NKD2: variants seen among roughly 807,000 people sequenced by gnomAD.
NKD2 encodes the protein NKD inhibitor of Wnt signaling pathway 2.
A neutral mutation model predicts 34.8 loss-of-function variants in NKD2; 43 were observed. The observed-to-expected ratio is 1.24, with a 90% CI of 0.97 to 1.60. The LOEUF (loss-of-function observed/expected upper bound fraction) is 1.60. Among genes scored for constraint, NKD2 ranks in the 40% most tolerant of loss-of-function variants. The pLI is 0.00. For synonymous variants in NKD2, 278 were observed against 265.1 expected, an observed-to-expected ratio of 1.05 and a Z score of -0.47; for missense variants, 675 against 627.1, an observed-to-expected ratio of 1.08 and a Z score of -0.82.
intron 3 of NKD2, among the ~76,000 whole-genome samples, chr5:1,013,420 G>A (rs959450877): frequency 6.6e-5 from 10 of 152,314 alleles, no homozygotes; most frequent in Admixed American, 2.0e-4. Context: ...GCCATGTGGC[G>A]AGGCCAGCAC....
chr5:1,032,993 T>C (rs1008568549), intron 4 of NKD2, among the ~76,000 whole-genome samples: 28 of 151,838 alleles, frequency 1.8e-4, no homozygotes, highest in Admixed American at 1.3e-3. Flanking sequence ...GTGGGCTCAG[T>C]GCTAGGATTC....
chr5:1,038,307 G>A lies in NKD2; in HGVS notation c.1290G>A (p.Arg430=). 3 of 1,544,754 alleles carry A rather than the reference G, an allele frequency of 1.9e-6. No individual in the cohort carries two copies. The highest frequency in any genetic ancestry group is 1.9e-5 in the Admixed American group (1 of 51,984). The part of the protein sequence containing the change: ...GEGYAVPVIQ[R]HEHHHHHEHH... ...GCTACGCGGTGCCAGTGATCCAGCG[G>A]CACGAGCACCACCACCACCACGAGC... The change falls in exon 10 of 10, where the codon CGG becomes CGA. Residue 430 remains arginine, a synonymous_variant. Coordinates refer to ENST00000296849, the MANE Select transcript of NKD2 (RefSeq NM_033120.4). This position sits in a 1 kb window ranked among gnomAD's most constrained non-coding sequence, Gnocchi z 4.5.
intron 3 of NKD2, among the ~76,000 whole-genome samples, chr5:1,031,690 C>G (rs1007682404): frequency 2.6e-5 from 4 of 152,212 alleles, no homozygotes; most frequent in African/African-American, 9.7e-5. Flanking sequence ...CGTAACTGGT[C>G]TCGGCCGGCA....
chr5:1,033,266 G>T, intron 4 of NKD2, 106 bp from the exon 5 acceptor site: 2 of 1,140,126 alleles, frequency 1.8e-6, no homozygotes, highest in Non-Finnish European at 2.5e-6. Flanking sequence ...GGCCCGTCTG[G>T]ACAGGATCAT....
intron 3 of NKD2, among the ~76,000 whole-genome samples, chr5:1,016,104 C>A (rs530133158): frequency 3.3e-5 from 5 of 152,248 alleles, no homozygotes; most frequent in Non-Finnish European, 5.9e-5. Flanking sequence ...GGATCCCCCC[C>A]CACACCGGAC....
chr5:1,020,796 G>A (rs1043716641), intron 3 of NKD2, among the ~76,000 whole-genome samples: 1 of 151,874 alleles, frequency 6.6e-6, no homozygotes, highest in Admixed American at 6.6e-5. Context: ...CCGTGGGTTG[G>A]GCTGGGTGCC....
chr5:1,035,728 C>T, intron 8 of NKD2: 2 of 536,258 alleles, frequency 3.7e-6, no homozygotes, highest in Non-Finnish European at 6.6e-6. Context: ...CACCCTCAGT[C>T]TGGACTTGCT....
intron 3 of NKD2, among the ~76,000 whole-genome samples, chr5:1,024,683 C>T (rs71593376): frequency 7.2e-4 from 37 of 51,374 alleles, no homozygotes; most frequent in Middle Eastern, 0.028. Context: ...CCGCTGTGGG[C>T]GTCCCAGCCC....
chr5:1,036,478 C>A (rs2150751543), intron 9 of NKD2, 94 bp downstream of exon 9: 1 of 885,332 alleles, frequency 1.1e-6, no homozygotes, highest in Non-Finnish European at 1.7e-6. Context: ...GGGGGCCCCT[C>A]CCTGCCCTGC....
intron 4 of NKD2, 52 bp downstream of exon 4, chr5:1,032,264 G>A (rs377124625): frequency 6.2e-5 from 91 of 1,466,316 alleles, no homozygotes; most frequent in South Asian, 3.1e-4. Context: ...ACTTCATCCC[G>A]TACCAAGGCA....
At chr5:1,028,388 G>A (rs541277404) in intron 3 of NKD2, among the ~76,000 whole-genome samples, 3 of 152,212 alleles carry the variant, frequency 2.0e-5, no homozygotes, top group Non-Finnish European at 2.9e-5. Context: ...GGAGGCCTCC[G>A]TGGGTTGGGG....
chr5:1,038,037 G>A lies in NKD2; in HGVS notation c.1020G>A (p.Pro340=), dbSNP rs369421348. 41 of 1,608,918 alleles carry A rather than the reference G, an allele frequency of 2.5e-5. No individual in the cohort carries two copies. Among genetic ancestry groups the A allele is most frequent in the Non-Finnish European group, 3.0e-5 (35 of 1,179,138 alleles). ...FLKSPKGSGK[P]PGVPASSKSG... ...AGTCCCCCAAGGGCTCCGGGAAGCC[G>A]CCTGGGGTGCCAGCCAGCAGCAAGT... Residue 340 remains proline (P), a synonymous_variant, in exon 10 of 10, where the codon CCG becomes CCA. Coordinates refer to ENST00000296849, the MANE Select transcript of NKD2 (RefSeq NM_033120.4). The surrounding 1 kb of genome is among the most constrained non-coding windows in gnomAD (Gnocchi z 4.5).
chr5:1,021,387 C>CCCACCCAT (rs1461650808), intron 3 of NKD2, among the ~76,000 whole-genome samples: 2 of 119,144 alleles, frequency 1.7e-5, no homozygotes, highest in African/African-American at 3.2e-5. Flanking sequence ...CACCCACCCA[C>CCCACCCAT]CCACCCGTCC....
At position 1,034,753 on chromosome 5, in the gene NKD2, C is replaced by T. The variant is rs1468542282; in HGVS notation, c.427-3C>T. On this transcript the variant is annotated splice_region_variant and splice_polypyrimidine_tract_variant and intron_variant, in intron 6 of 9. Coordinates refer to ENST00000296849, the MANE Select transcript of NKD2 (RefSeq NM_033120.4). ...TGTCAGTGAAACTGATGCCGGGCCC[C>T]AGGACATGTCCAGCCTCATGCACAC... is the stretch of plus-strand genomic sequence containing the variant. 1 of 1,608,294 alleles carries T rather than the reference C, an allele frequency of 6.2e-7. No homozygotes were observed. Among genetic ancestry groups the T allele is most frequent in the African/African-American group, 1.3e-5 (1 of 74,832 alleles).
intron 3 of NKD2, among the ~76,000 whole-genome samples, chr5:1,018,762 G>A (rs1046860099): frequency 6.6e-5 from 10 of 152,154 alleles, no homozygotes; most frequent in Admixed American, 1.3e-4. Context: ...GAGGCATCTT[G>A]TGTATGAGGG....
At chr5:1,033,018 G>A (rs73731134) in intron 4 of NKD2, among the ~76,000 whole-genome samples, 1,737 of 136,902 alleles carry the variant, frequency 0.013, 35 homozygotes, top group African/African-American at 0.039. Context: ...GTGGAGGGCC[G>A]GAGGGACTGT....
In NKD2 at chr5:1,009,604, C is replaced by T. The variant is rs1209519293; in HGVS notation, c.141+44C>T. 51 of 1,378,486 alleles carry T rather than the reference C, an allele frequency of 3.7e-5. No individual in the cohort carries two copies. Among genetic ancestry groups the T allele is most frequent in the Non-Finnish European group, 1.2e-5 (13 of 1,070,154 alleles). The allele number at this position is 1,378,486 out of a possible 1,614,324, so 85.4% of individuals were successfully genotyped here. On this transcript the variant is annotated intron_variant, in intron 3 of 9. Coordinates refer to ENST00000296849, the MANE Select transcript of NKD2 (RefSeq NM_033120.4). This position sits in a 1 kb window ranked among gnomAD's most constrained non-coding sequence, Gnocchi z 6.9. ...GCTGGGGTCGCGCTGCGCACCCGCC[C>T]GGGGGCGGGGAGCGGTGTCAGAGCT...
chr5:1,036,837 C>G (rs1733981476), intron 9 of NKD2: 1 of 454,416 alleles, frequency 2.2e-6, no homozygotes, highest in Non-Finnish European at 4.4e-6. Flanking sequence ...GTGTGGACAA[C>G]AGACAGTGTC....
chr5:1,020,097 T>C (rs1001604296), intron 3 of NKD2, among the ~76,000 whole-genome samples: 2 of 152,178 alleles, frequency 1.3e-5, no homozygotes, highest in African/African-American at 4.8e-5. Flanking sequence ...TCGTTAGCTC[T>C]GAAGACAAAG....
Sources: gnomAD v4.1 joint callset for allele counts (sites outside exome capture counted in the v4.1 genomes callset) on GRCh38, gnomAD v4.1.1 for gene constraint, Gnocchi (gnomAD v3.1) non-coding constraint, MANE v1.5 for transcripts, NCBI Gene and HGNC (gene_info 2026-07-23, HGNC 2026-07-21) for gene names.